CYP27A1: variants seen among roughly 807,000 people sequenced by gnomAD.
The protein encoded by CYP27A1 is sterol 26-hydroxylase, mitochondrial.
In CYP27A1, 46 loss-of-function variants were observed where a neutral mutation model predicts 58.2. The observed-to-expected ratio is 0.79, with a 90% CI of 0.62 to 1.01. The LOEUF is 1.01. Ranked by LOEUF, CYP27A1 falls within the 50% of genes least tolerant of loss-of-function variation. The pLI is 0.00. For synonymous variants in CYP27A1, 274 were observed against 285.1 expected (o/e 0.96, Z 0.39); for missense variants, 704 against 687.0 (o/e 1.02, Z -0.28).
rs116102599 is a variant in CYP27A1 at position 218,795,523 on chromosome 2, A to G, written c.255+13086A>G. Among the ~76,000 whole-genome samples the G allele has an allele frequency of 2.9e-3, 443 of 152,188 alleles. 1 individual carries two copies. The highest frequency in any genetic ancestry group is 0.01 in the African/African-American group (424 of 41,522). On this transcript the variant is annotated intron_variant, in intron 1 of 8. Coordinates refer to ENST00000258415, the MANE Select transcript of CYP27A1 (RefSeq NM_000784.4). ...TTGGTCTTCCTTTCCCAAAAAGGAAACCTCCAAGTGATGGGCATCCTACTT... is the reference window on the plus strand; with the variant it reads ...TTGGTCTTCCTTTCCCAAAAAGGAAGCCTCCAAGTGATGGGCATCCTACTT...
intron 1 of CYP27A1, among the ~76,000 whole-genome samples, chr2:218,794,484 G>A (rs1943526438): frequency 6.6e-6 from 1 of 152,116 alleles, no homozygotes; most frequent in East Asian, 1.9e-4. Context: ...TAGAAAACAT[G>A]TATCAAAAGG....
chr2:218,796,241 G>A (rs1167435960), intron 1 of CYP27A1, among the ~76,000 whole-genome samples: 2 of 152,132 alleles, frequency 1.3e-5, no homozygotes, highest in African/African-American at 4.8e-5. Flanking sequence ...ATTGCATCCT[G>A]TTGCAAAAGA....
chr2:218,789,953 C>G (rs1247264800), intron 1 of CYP27A1, among the ~76,000 whole-genome samples: 1 of 152,178 alleles, frequency 6.6e-6, no homozygotes, highest in Non-Finnish European at 1.5e-5. Context: ...TTAGTCTGTT[C>G]TAGGATCTAT....
In CYP27A1 at chr2:218,782,414, G is replaced by T; in HGVS notation, c.232G>T (p.Ala78Ser). The change falls in exon 1 of 9, where the codon GCC becomes TCC. Residue 78 changes from alanine (A) to serine (S), a missense_variant. By Grantham distance (99) the Ala-to-Ser change is moderately conservative. Transcript: ENST00000258415. The surrounding 1 kb of genome is among the most constrained non-coding windows in gnomAD (Gnocchi z 4.1). ...FFFQLFVQGY[A>S]LQLHQLQVLY... The stretch of plus-strand genomic sequence containing the variant: ...CTTTCAGCTGTTCGTTCAAGGCTAT[G>T]CCCTGCAACTGCACCAGTTACAGGT... 6.2e-7 allele frequency: 1 copy of T among 1,614,226 alleles called. No individual in the cohort carries two copies. Among genetic ancestry groups the T allele is most frequent in the Non-Finnish European group, 8.5e-7 (1 of 1,180,026 alleles).
rs376609492 is a variant in CYP27A1 at position 218,815,016 on chromosome 2, C to T, written c.1582C>T (p.Gln528Ter). ...PNKKVGLQFL[Q>*]RQC ...TAAGAAAGTGGGCCTGCAGTTCCTG[C>T]AGAGACAGTGCTGAGCTGAGTCTCC... Residue 528 changes from glutamine (Q) to a stop codon, truncating the protein, a stop_gained, in exon 9 of 9, where the codon CAG becomes TAG. Coordinates refer to ENST00000258415, the MANE Select transcript of CYP27A1 (RefSeq NM_000784.4). LOFTEE classifies it high-confidence loss of function. 110 of 1,614,088 alleles carry T rather than the reference C, an allele frequency of 6.8e-5. No individual in the cohort carries two copies. The highest frequency in any genetic ancestry group is 8.9e-5 in the Non-Finnish European group (105 of 1,180,038).
intron 1 of CYP27A1, among the ~76,000 whole-genome samples, chr2:218,808,304 G>C (rs1943672023): frequency 6.6e-6 from 1 of 152,318 alleles, no homozygotes; most frequent in East Asian, 1.9e-4. Context: ...AGGTGTTCCT[G>C]GGAGGTAGAA....
chr2:218,801,430 T>G (rs567371612), intron 1 of CYP27A1, among the ~76,000 whole-genome samples: 5 of 152,054 alleles, frequency 3.3e-5, no homozygotes, highest in African/African-American at 1.2e-4. Context: ...CGCTTCAACC[T>G]GGGAAGTGGA....
At chr2:218,797,366 CAAGGA>C (rs1943557514) in intron 1 of CYP27A1, among the ~76,000 whole-genome samples, 1 of 152,140 alleles carries the variant, frequency 6.6e-6, no homozygotes, top group Non-Finnish European at 1.5e-5. Flanking sequence ...TCCCAAAGTG[CAAGGA>C]TTACAGGCAC....
chr2:218,783,268 A>AG (rs1339470340), intron 1 of CYP27A1, among the ~76,000 whole-genome samples: 2 of 151,506 alleles, frequency 1.3e-5, no homozygotes, highest in African/African-American at 4.8e-5. Context: ...AAAAAAAAAA[A>AG]AAAAAAAAGA....
At chr2:218,800,850 C>T in intron 1 of CYP27A1, among the ~76,000 whole-genome samples, 1 of 152,248 alleles carries the variant, frequency 6.6e-6, no homozygotes, top group East Asian at 1.9e-4. Context: ...ATACCATATG[C>T]TCTCTTTTGT....
intron 1 of CYP27A1, among the ~76,000 whole-genome samples, chr2:218,799,434 G>C (rs1943578522): frequency 6.6e-6 from 1 of 152,108 alleles, no homozygotes; most frequent in Admixed American, 6.6e-5. Flanking sequence ...ACGGTGATAT[G>C]TGGCAAAATT....
chr2:218,786,932 C>T (rs1251810201), intron 1 of CYP27A1, among the ~76,000 whole-genome samples: 1 of 152,024 alleles, frequency 6.6e-6, no homozygotes. Flanking sequence ...GTAGTTAGGA[C>T]CACAGGCATG....
chr2:218,803,702 G>A (rs1286583183), intron 1 of CYP27A1, among the ~76,000 whole-genome samples: 1 of 148,338 alleles, frequency 6.7e-6, no homozygotes, highest in Non-Finnish European at 1.5e-5. Flanking sequence ...GATTACAGGT[G>A]TGAGCCACCG....
At chr2:218,813,958 C>G (rs1943752452) in intron 5 of CYP27A1, 63 bp from the exon 6 acceptor site, 1 of 1,587,342 alleles carries the variant, frequency 6.3e-7, no homozygotes, top group East Asian at 2.2e-5. Flanking sequence ...ACTCATACAC[C>G]CTCCCATTAC....
Position 218,809,758 on chromosome 2 carries a change from C to T in CYP27A1, c.437C>T (p.Pro146Leu), listed in dbSNP as rs747525746. The change falls in exon 2 of 9, where the codon CCG becomes CTG. Residue 146 changes from proline (P) to leucine (L), a missense_variant. Coordinates refer to ENST00000258415, the MANE Select transcript of CYP27A1 (RefSeq NM_000784.4). Reference protein sequence around the residue: ...HRDQHDLTYGPFTTEGHHWYQ... With the variant: ...HRDQHDLTYGLFTTEGHHWYQ... ...GACCAGCACGACCTGACCTATGGGC[C>T]GTTCACCACGTGAGCTGGGGCCTGA... The T allele has an allele frequency of 8.1e-6, 13 of 1,612,920 alleles. No individual in the cohort carries two copies. The highest frequency in any genetic ancestry group is 5.0e-5 in the Admixed American group (3 of 59,994).
chr2:218,809,439 GCCCTTTTT>G lies in CYP27A1; in HGVS notation c.256-137_256-130del, dbSNP rs1444778090. ...TCCTGGTGCCTACATCATACACAAT[GCCCTTTTT>G]TTTTTTTTTTTTTTTTTGCCCAGCT... is the stretch of plus-strand genomic sequence containing the variant. On this transcript the variant is annotated intron_variant, in intron 1 of 8. Coordinates refer to ENST00000258415, the MANE Select transcript of CYP27A1 (RefSeq NM_000784.4). 22 of 662,836 alleles carry G rather than the reference GCCCTTTTT, an allele frequency of 3.3e-5. 1 individual carries two copies. The highest frequency in any genetic ancestry group is 3.2e-4 in the African/African-American group (10 of 31,516). 41.1% of individuals were successfully genotyped at this position (662,836 alleles called of 1,614,324 possible).
intron 1 of CYP27A1, among the ~76,000 whole-genome samples, chr2:218,795,595 A>C (rs551911717): frequency 1.3e-5 from 2 of 152,302 alleles, no homozygotes; most frequent in South Asian, 4.1e-4. Flanking sequence ...TCAGAACCAG[A>C]ATATTGACCC....
intron 1 of CYP27A1, among the ~76,000 whole-genome samples, chr2:218,801,558 G>A (rs954686887): frequency 3.3e-5 from 5 of 151,816 alleles, no homozygotes; most frequent in African/African-American, 1.2e-4. Context: ...AGTACATGCA[G>A]AATATATATC....
rs1943740329 is a variant in CYP27A1 at position 218,812,975 on chromosome 2, C to T, written c.896C>T (p.Ala299Val). Residue 299 changes from alanine to valine, a missense_variant, in exon 5 of 9, where the codon GCA (alanine) becomes GTA (valine). Coordinates refer to ENST00000258415, the MANE Select transcript of CYP27A1 (RefSeq NM_000784.4). ...GAAGATATGGAGGCCCAACTGCAGG[C>T]AGCAGGGCCAGATGGCATCCAGGTG... is the stretch of plus-strand genomic sequence containing the variant. ...KLEDMEAQLQ[A>V]AGPDGIQVSG... The T allele has an allele frequency of 1.2e-6, 2 of 1,614,234 alleles. No homozygotes were observed. Among genetic ancestry groups the T allele is most frequent in the East Asian group, 2.2e-5 (1 of 44,880 alleles).
Sources: allele counts gnomAD v4.1 joint callset (sites outside exome capture counted in the v4.1 genomes callset), GRCh38; gene constraint gnomAD v4.1.1; non-coding constraint Gnocchi (gnomAD v3.1); transcripts MANE v1.5; gene names NCBI Gene and HGNC (gene_info 2026-07-23, HGNC 2026-07-21).